Variants in EXOC4 observed in about 807,000 individuals in gnomAD.
The protein encoded by EXOC4 is exocyst complex component 4.
In EXOC4, 71 loss-of-function variants were observed where a neutral mutation model predicts 107.2. The observed-to-expected ratio is 0.66, with a 90% CI of 0.55 to 0.81. EXOC4 has a LOEUF of 0.81. Ranked by LOEUF, EXOC4 falls within the 30% of genes least tolerant of loss-of-function variation. EXOC4 has a pLI of 0.00. For synonymous variants in EXOC4, 456 were observed against 441.2 expected, an observed-to-expected ratio of 1.03 and a Z score of -0.42; for missense variants, 1,108 against 1,189.6, an observed-to-expected ratio of 0.93 and a Z score of 1.01.
chr7:133,428,721 G>A (rs938870111), intron 7 of EXOC4, among the ~76,000 whole-genome samples: 1 of 152,154 alleles, frequency 6.6e-6, no homozygotes, highest in South Asian at 2.1e-4. Flanking sequence ...CTACATCAGT[G>A]TGTTTTCTGG....
At chr7:134,078,627 G>A in the EXOC4 span, among the ~76,000 whole-genome samples, 4 of 152,166 alleles carry the variant, frequency 2.6e-5, no homozygotes, top group African/African-American at 2.4e-5. Flanking sequence ...AGAGTTCCTT[G>A]TATTTCTCTG....
At chr7:134,003,468 C>CTTTA (rs2116320439) in intron 15 of EXOC4, among the ~76,000 whole-genome samples, 1 of 152,260 alleles carries the variant, frequency 6.6e-6, no homozygotes, top group East Asian at 1.9e-4. Flanking sequence ...ATAAACCTGA[C>CTTTA]TAAAGAAAGA....
chr7:133,824,794 C>T (rs778798665), intron 11 of EXOC4, among the ~76,000 whole-genome samples: 3 of 152,202 alleles, frequency 2.0e-5, no homozygotes, highest in South Asian at 2.1e-4. Flanking sequence ...GGCGTTCTCC[C>T]GTGTGTCTCC....
chr7:133,563,364 A>T (rs541538306), intron 9 of EXOC4, among the ~76,000 whole-genome samples: 5 of 152,228 alleles, frequency 3.3e-5, no homozygotes, highest in Admixed American at 3.3e-4. Context: ...TCTGTAAAGC[A>T]TTGACTTTAA....
At chr7:133,563,476 C>T (rs1342907922) in intron 9 of EXOC4, among the ~76,000 whole-genome samples, 10 of 152,162 alleles carry the variant, frequency 6.6e-5, no homozygotes, top group Admixed American at 6.5e-4. Flanking sequence ...GCCTGGGTCA[C>T]ATGCATTTGC....
At chr7:133,516,614 A>T (rs922710209) in intron 9 of EXOC4, among the ~76,000 whole-genome samples, 34 of 152,066 alleles carry the variant, frequency 2.2e-4, no homozygotes, top group Admixed American at 6.5e-4. Flanking sequence ...ATTTTTGGGT[A>T]CTATGAATAA....
intron 9 of EXOC4, among the ~76,000 whole-genome samples, chr7:133,626,560 G>A (rs969327315): frequency 2.6e-5 from 4 of 152,168 alleles, no homozygotes; most frequent in African/African-American, 9.7e-5. Context: ...AGGTGTTGGG[G>A]TAGGGAGGAG....
At chr7:134,074,495 C>T in the EXOC4 span, among the ~76,000 whole-genome samples, 2 of 152,214 alleles carry the variant, frequency 1.3e-5, no homozygotes, top group Non-Finnish European at 2.9e-5. Context: ...TCAATAACAC[C>T]TGTTGTGGAT....
At chr7:133,762,017 T>A (rs941590066) in intron 10 of EXOC4, among the ~76,000 whole-genome samples, 13 of 152,208 alleles carry the variant, frequency 8.5e-5, no homozygotes, top group Non-Finnish European at 1.5e-4. Context: ...GCTTGATCTG[T>A]TCTGTCTGTG....
chr7:134,077,695 G>A, the EXOC4 span, among the ~76,000 whole-genome samples: 1 of 152,234 alleles, frequency 6.6e-6, no homozygotes, highest in African/African-American at 2.4e-5. Context: ...CAGGGATACA[G>A]AGGGAGGACA....
At chr7:133,558,186 C>CTT (rs1423939183) in intron 9 of EXOC4, among the ~76,000 whole-genome samples, 4 of 144,894 alleles carry the variant, frequency 2.8e-5, no homozygotes, top group Admixed American at 6.8e-5. Context: ...ATTTTGGTTC[C>CTT]TTCTCTTTTC....
At chr7:133,758,815 A>T (rs1795971452) in intron 10 of EXOC4, among the ~76,000 whole-genome samples, 1 of 152,204 alleles carries the variant, frequency 6.6e-6, no homozygotes, top group South Asian at 2.1e-4. Flanking sequence ...ACTAAGATAT[A>T]GCTCTTCCCC....
At chr7:133,923,995 G>GTTT (rs55812659) in intron 13 of EXOC4, among the ~76,000 whole-genome samples, 2 of 150,848 alleles carry the variant, frequency 1.3e-5, no homozygotes, top group African/African-American at 4.9e-5. Flanking sequence ...TAACTTGAGG[G>GTTT]TTTTTTTTTC....
At chr7:133,640,664 A>C (rs554254921) in intron 10 of EXOC4, among the ~76,000 whole-genome samples, 10 of 152,312 alleles carry the variant, frequency 6.6e-5, no homozygotes, top group African/African-American at 2.2e-4. Context: ...ACTGTTTCCT[A>C]CAGCTTTGGT....
intron 7 of EXOC4, among the ~76,000 whole-genome samples, chr7:133,420,240 G>A (rs953622376): frequency 2.0e-5 from 3 of 147,472 alleles, no homozygotes; most frequent in Admixed American, 1.4e-4. Context: ...TTGTTCTTGC[G>A]ATAGTTTACT....
chr7:134,054,109 C>G (rs1390948840), intron 17 of EXOC4, among the ~76,000 whole-genome samples: 3 of 152,110 alleles, frequency 2.0e-5, no homozygotes, highest in Non-Finnish European at 4.4e-5. Flanking sequence ...CCACGCCCAG[C>G]CAATTTTTTA....
intron 16 of EXOC4, among the ~76,000 whole-genome samples, chr7:134,005,475 G>C (rs1044818999): frequency 1.3e-5 from 2 of 152,150 alleles, no homozygotes; most frequent in Non-Finnish European, 2.9e-5. Flanking sequence ...ATTATCACTG[G>C]AACGGGAAGT....
At chr7:133,652,438 ATTT>A (rs774513966) in intron 10 of EXOC4, among the ~76,000 whole-genome samples, 2 of 145,940 alleles carry the variant, frequency 1.4e-5, no homozygotes, top group East Asian at 3.9e-4. Flanking sequence ...ACACAGCAAT[ATTT>A]TTTTTTTTAA....
intron 11 of EXOC4, among the ~76,000 whole-genome samples, chr7:133,881,032 A>G (rs73726507): frequency 9.2e-5 from 14 of 152,270 alleles, no homozygotes; most frequent in African/African-American, 3.4e-4. Context: ...AAGTATATTC[A>G]TCTTTTCTGA....
Sources: gnomAD v4.1 joint callset for allele counts (sites outside exome capture counted in the v4.1 genomes callset) on GRCh38, gnomAD v4.1.1 for gene constraint, MANE v1.5 for transcripts, NCBI Gene and HGNC (gene_info 2026-07-23, HGNC 2026-07-21) for gene names.